Variants in TNRC6A observed in about 807,000 individuals in gnomAD.
TNRC6A encodes the protein trinucleotide repeat-containing gene 6A protein.
TNRC6A carries 44 observed loss-of-function variants against 221.2 expected under a neutral mutation model. That is an observed-to-expected ratio of 0.20 (90% CI 0.16 to 0.26). The LOEUF is 0.26. Among genes scored for constraint, TNRC6A ranks in the 10% least tolerant of loss-of-function variants. The pLI is 1.00. For missense variants in TNRC6A, 2,199 were observed against 2,404.4 expected, an observed-to-expected ratio of 0.91 and a Z score of 1.79; for synonymous variants, 847 against 838.5, an observed-to-expected ratio of 1.01 and a Z score of -0.18.
At chr16:24,774,582 T>A (rs2057681197) in intron 4 of TNRC6A, among the ~76,000 whole-genome samples, 1 of 152,220 alleles carries the variant, frequency 6.6e-6, no homozygotes, top group Non-Finnish European at 1.5e-5. Flanking sequence ...TTTTTTTTAA[T>A]GTTTAGATTT....
intron 5 of TNRC6A, among the ~76,000 whole-genome samples, chr16:24,785,922 A>G (rs755634536): frequency 2.6e-5 from 4 of 152,162 alleles, no homozygotes; most frequent in Non-Finnish European, 5.9e-5. Context: ...GGACTTGATG[A>G]TGTTTTGGAT....
chr16:24,768,357 C>T (rs572541896), intron 4 of TNRC6A, among the ~76,000 whole-genome samples: 5 of 140,938 alleles, frequency 3.5e-5, no homozygotes, highest in Admixed American at 1.6e-4. Context: ...GGCGTGAACC[C>T]GGGAGGTGGA....
intron 2 of TNRC6A, among the ~76,000 whole-genome samples, chr16:24,749,762 G>T (rs2057094743): frequency 6.6e-6 from 1 of 152,220 alleles, no homozygotes; most frequent in Non-Finnish European, 1.5e-5. Flanking sequence ...TGCGCAGTCT[G>T]TCACTTTGAA....
intron 19 of TNRC6A, chr16:24,816,073 C>G (rs2058651140): frequency 6.6e-6 from 1 of 152,304 alleles, no homozygotes. Context: ...GCCTGTAATC[C>G]TAGCACTTTG....
chr16:24,703,011 G>A (rs1046217840), intron 2 of TNRC6A, among the ~76,000 whole-genome samples: 16 of 151,564 alleles, frequency 1.1e-4, no homozygotes, highest in Non-Finnish European at 2.4e-4. Flanking sequence ...CTCCAGCCTG[G>A]GTGACAGTGC....
At chr16:24,729,971 G>T (rs970388814) in intron 1 of TNRC6A, 125 bp downstream of exon 1, 1 of 922,032 alleles carries the variant, frequency 1.1e-6, no homozygotes, top group Non-Finnish European at 1.4e-6. Context: ...GGGCCTCGGC[G>T]GGAGGGCGCA....
intron 2 of TNRC6A, among the ~76,000 whole-genome samples, chr16:24,734,910 T>A (rs2056729004): frequency 6.6e-6 from 1 of 152,252 alleles, no homozygotes; most frequent in Non-Finnish European, 1.5e-5. Context: ...TTAAAAGTGC[T>A]ATATACCATA....
chr16:24,764,785 C>G (rs923630154), intron 4 of TNRC6A, among the ~76,000 whole-genome samples: 3 of 152,146 alleles, frequency 2.0e-5, no homozygotes, highest in African/African-American at 4.8e-5. Flanking sequence ...AGAATCTGTT[C>G]CAAGCCTCCA....
At chr16:24,803,560 G>A (rs1213653338) in intron 11 of TNRC6A, 1 of 152,208 alleles carries the variant, frequency 6.6e-6, no homozygotes, top group African/African-American at 2.4e-5. Context: ...AAACTCAGCA[G>A]ATTAGAGATG....
chr16:24,720,470 C>G (rs1292272852), intron 2 of TNRC6A, among the ~76,000 whole-genome samples: 1 of 151,844 alleles, frequency 6.6e-6, no homozygotes, highest in Non-Finnish European at 1.5e-5. Context: ...AGGCAGATCA[C>G]CTGAGGTCAG....
intron 5 of TNRC6A, among the ~76,000 whole-genome samples, chr16:24,787,796 G>C (rs1043134614): frequency 5.9e-5 from 9 of 152,130 alleles, no homozygotes; most frequent in African/African-American, 2.2e-4. Context: ...TGTGCTTTGA[G>C]AGCAAATGAT....
chr16:24,797,425 C>A, intron 9 of TNRC6A, 65 bp from the exon 10 acceptor site: 1 of 1,203,776 alleles, frequency 8.3e-7, no homozygotes, highest in South Asian at 1.4e-5. Context: ...TTTTATTAAT[C>A]CGTCACTATA....
intron 2 of TNRC6A, among the ~76,000 whole-genome samples, chr16:24,721,983 T>C (rs2056417794): frequency 6.6e-6 from 1 of 152,166 alleles, no homozygotes; most frequent in Non-Finnish European, 1.5e-5. Flanking sequence ...AGCGGTTTCC[T>C]GGTGGTAGGT....
At chr16:24,616,627 T>A (rs765294614) in intron 1 of TNRC6A, among the ~76,000 whole-genome samples, 2 of 152,176 alleles carry the variant, frequency 1.3e-5, no homozygotes, top group Non-Finnish European at 2.9e-5. Flanking sequence ...AGCTTCCATA[T>A]GCACTTGAAA....
chr16:24,618,796 AT>A (rs35385866), intron 1 of TNRC6A, among the ~76,000 whole-genome samples: 13,954 of 142,720 alleles, frequency 0.098, 817 homozygotes, highest in Non-Finnish European at 0.14. Context: ...ACACCTGGCT[AT>A]TTTTTTTTTT....
chr16:24,682,076 G>A (rs1016637558), intron 2 of TNRC6A, among the ~76,000 whole-genome samples: 6 of 152,150 alleles, frequency 3.9e-5, no homozygotes, highest in African/African-American at 1.4e-4. Context: ...ATGTTGTACG[G>A]GGGAATTGGA....
At chr16:24,681,890 G>T (rs913774505) in intron 2 of TNRC6A, among the ~76,000 whole-genome samples, 5 of 152,136 alleles carry the variant, frequency 3.3e-5, no homozygotes, top group African/African-American at 1.2e-4. Context: ...TGAGTCAAAA[G>T]GGATGCATAT....
Position 24,794,700 on chromosome 16 carries a change from C to T in TNRC6A, c.3509C>T (p.Thr1170Ile). 6.2e-7 allele frequency: 1 copy of T among 1,611,614 alleles called. No individual in the cohort carries two copies. The highest frequency in any genetic ancestry group is 1.1e-5 in the South Asian group (1 of 90,196). ...TCATCTTTAAATTGGCCACCATATA[C>T]AAAGAAAATGTCATCGAAGGTAAAC... ...LNSSLNWPPY[T>I]KKMSSKGLSG... The change falls in exon 8 of 25, where the codon ACA becomes ATA. Residue 1170 changes from threonine to isoleucine, a missense_variant. Thr to Ile is a moderately conservative substitution (Grantham distance 89). Transcript: ENST00000395799.
At chr16:24,791,908 G>C (rs755337833) in intron 6 of TNRC6A, 91 bp downstream of exon 6, 21 of 1,336,000 alleles carry the variant, frequency 1.6e-5, no homozygotes, top group Non-Finnish European at 2.0e-5. Flanking sequence ...GCACACAAAG[G>C]CTGTTCTTAC....
Sources: allele counts gnomAD v4.1 joint callset (sites outside exome capture counted in the v4.1 genomes callset), GRCh38; gene constraint gnomAD v4.1.1; transcripts MANE v1.5; gene names NCBI Gene and HGNC (gene_info 2026-07-23, HGNC 2026-07-21).